The following KDM4B variants were observed in gnomAD, a reference collection of about 807,000 sequenced individuals.
KDM4B encodes the protein lysine demethylase 4B.
A neutral mutation model predicts 125.2 loss-of-function variants in KDM4B; 32 were observed. The observed-to-expected ratio is 0.26, with a 90% CI of 0.19 to 0.34. The LOEUF (loss-of-function observed/expected upper bound fraction) is 0.34. KDM4B is among the 10% of genes least tolerant of loss of function. The probability of loss-of-function intolerance (pLI) is 1.00; values close to 1 mark genes in which losing one functional copy is unlikely to be tolerated. For missense variants in KDM4B, 1,190 were observed against 1,577.7 expected, an observed-to-expected ratio of 0.75 and a Z score of 4.16; for synonymous variants, 721 against 677.9, an observed-to-expected ratio of 1.06 and a Z score of -0.99.
chr19:5,106,844 G>T (rs370703143), intron 9 of KDM4B, among the ~76,000 whole-genome samples: 90 of 152,346 alleles, frequency 5.9e-4, no homozygotes, highest in African/African-American at 2.1e-3. Flanking sequence ...CCAGCCCAGA[G>T]CAGTGAGACC....
At chr19:4,993,334 G>A (rs993293102) in intron 1 of KDM4B, among the ~76,000 whole-genome samples, 5 of 151,898 alleles carry the variant, frequency 3.3e-5, no homozygotes, top group Admixed American at 6.6e-5. Context: ...GCTTGAACCC[G>A]GGAGGCAGAG....
intron 1 of KDM4B, among the ~76,000 whole-genome samples, chr19:5,008,027 A>G (rs569384930): frequency 2.2e-4 from 34 of 152,208 alleles, no homozygotes; most frequent in Non-Finnish European, 3.4e-4. Flanking sequence ...TATATGCCCA[A>G]TGCTTTGGAA....
Position 5,141,852 on chromosome 19 carries a change from G to A in KDM4B, c.2551-2115G>A, listed in dbSNP as rs1273503832. 6.6e-6 allele frequency among the ~76,000 whole-genome samples: 1 copy of A among 152,208 alleles called. No individual in the cohort carries two copies. Among genetic ancestry groups the A allele is most frequent in the Non-Finnish European group, 1.5e-5 (1 of 68,024 alleles). On this transcript the variant is annotated intron_variant, in intron 18 of 22. Coordinates refer to ENST00000159111, the MANE Select transcript of KDM4B (RefSeq NM_015015.3). The surrounding 1 kb of genome is among the most constrained non-coding windows in gnomAD (Gnocchi z 6.4). Reference sequence around the variant, plus strand: ...TGGAGGATCTGGGAGGTCTGGGAGGGGCTTGGGATGGGGGGAGGCGCCTCC... The same window carrying A: ...TGGAGGATCTGGGAGGTCTGGGAGGAGCTTGGGATGGGGGGAGGCGCCTCC...
At chr19:5,077,503 T>C in intron 8 of KDM4B, 33 bp downstream of exon 8, 1 of 1,579,648 alleles carries the variant, frequency 6.3e-7, no homozygotes, top group Non-Finnish European at 8.7e-7. Flanking sequence ...CGCCTGTGGG[T>C]GAAGTGGGTA....
intron 1 of KDM4B, among the ~76,000 whole-genome samples, chr19:4,983,609 G>C (rs2034725209): frequency 6.6e-6 from 1 of 152,224 alleles, no homozygotes; most frequent in African/African-American, 2.4e-5. Context: ...GCAGCTGGTG[G>C]GGAGGCGCAG....
At chr19:5,104,216 G>T (rs1249407981) in intron 9 of KDM4B, among the ~76,000 whole-genome samples, 1 of 152,164 alleles carries the variant, frequency 6.6e-6, no homozygotes. Flanking sequence ...AGGCGTGCCA[G>T]CACAGCTCCT....
At chr19:4,995,909 G>T (rs1241336530) in intron 1 of KDM4B, among the ~76,000 whole-genome samples, 1 of 152,242 alleles carries the variant, frequency 6.6e-6, no homozygotes, top group Non-Finnish European at 1.5e-5. Flanking sequence ...TTGCTTCTCA[G>T]TGGCTCTGCA....
rs556385175 is a variant in KDM4B at position 5,065,786 on chromosome 19, C to T, written c.627-5224C>T. On this transcript the variant is annotated intron_variant, in intron 6 of 22. Coordinates refer to ENST00000159111, the MANE Select transcript of KDM4B (RefSeq NM_015015.3). Reference sequence around the variant, plus strand: ...CCATCCATCCCCTCCTCTGCACGGCCGGGGGCTTCTGGGGCCCATGGCAAA... The same window carrying T: ...CCATCCATCCCCTCCTCTGCACGGCTGGGGGCTTCTGGGGCCCATGGCAAA... Among the ~76,000 whole-genome samples the T allele has an allele frequency of 2.4e-4, 37 of 152,322 alleles. No individual in the cohort carries two copies. The South Asian group carries it at 4.4e-3, about 18-fold the overall frequency.
In KDM4B at chr19:5,041,251, C is replaced by G; in HGVS notation, c.432C>G (p.Asp144Glu). 1 of 1,608,700 alleles carries G rather than the reference C, an allele frequency of 6.2e-7. No homozygotes were observed. Among genetic ancestry groups the G allele is most frequent in the Non-Finnish European group, 8.5e-7 (1 of 1,175,756 alleles). Residue 144 changes from aspartate (D) to glutamate (E), a missense_variant and splice_region_variant, in exon 5 of 23, where the codon GAC becomes GAG. By Grantham distance (45) the Asp-to-Glu change is conservative. Transcript: ENST00000159111. Reference protein sequence around the residue: ...GADISGSLYDDDVAQWNIGSL... With the variant: ...GADISGSLYDEDVAQWNIGSL... ...ACATCAGCGGCTCTTTGTATGATGA[C>G]GTAAGTATGAGGCTCCGGGGAAGAA...
Position 5,059,533 on chromosome 19 carries a change from C to T in KDM4B, c.627-11477C>T, listed in dbSNP as rs562625108. ...GCCCAGGGAGGGACCCAGCATCCTG[C>T]GGCCTCTGCCCGTGGTGGGCACAGG... On this transcript the variant is annotated intron_variant, in intron 6 of 22. Coordinates refer to ENST00000159111, the MANE Select transcript of KDM4B (RefSeq NM_015015.3). Among the ~76,000 whole-genome samples, 67 of 152,348 alleles carry T rather than the reference C, an allele frequency of 4.4e-4. 1 individual carries two copies. In the South Asian group the frequency reaches 5.8e-3, roughly 13 times the overall value.
At chr19:5,010,271 G>C (rs1245223765) in intron 1 of KDM4B, among the ~76,000 whole-genome samples, 1 of 152,186 alleles carries the variant, frequency 6.6e-6, no homozygotes, top group Non-Finnish European at 1.5e-5. Flanking sequence ...CCTGGGCTCT[G>C]GACTTTTTAG....
intron 1 of KDM4B, among the ~76,000 whole-genome samples, chr19:5,001,315 C>A (rs971187122): frequency 1.3e-4 from 20 of 152,142 alleles, no homozygotes; most frequent in Non-Finnish European, 1.5e-5. Flanking sequence ...TGAGCCACGG[C>A]GCCTGGCCTT....
At chr19:5,030,327 C>T (rs2036411781) in intron 2 of KDM4B, among the ~76,000 whole-genome samples, 1 of 152,206 alleles carries the variant, frequency 6.6e-6, no homozygotes, top group African/African-American at 2.4e-5. Flanking sequence ...TCCAGCCCTG[C>T]CCCAGGCCCT....
Position 5,017,974 on chromosome 19 carries a change from C to T in KDM4B, c.-26+1635C>T, listed in dbSNP as rs149376471. Among the ~76,000 whole-genome samples, 257 of 152,152 alleles carry T rather than the reference C, an allele frequency of 1.7e-3. 3 individuals carry two copies. The highest frequency in any genetic ancestry group is 5.9e-3 in the African/African-American group (243 of 41,498). ...CCAGGATGGTCTCCATTTCCTGACTCGTGATCCGCCCACCTTGGCCTCCCA... is the reference window on the plus strand; with the variant it reads ...CCAGGATGGTCTCCATTTCCTGACTTGTGATCCGCCCACCTTGGCCTCCCA... On this transcript the variant is annotated intron_variant, in intron 2 of 22. Coordinates refer to ENST00000159111, the MANE Select transcript of KDM4B (RefSeq NM_015015.3).
At chr19:5,055,445 C>T (rs1341648716) in intron 6 of KDM4B, among the ~76,000 whole-genome samples, 1 of 152,208 alleles carries the variant, frequency 6.6e-6, no homozygotes, top group Non-Finnish European at 1.5e-5. Flanking sequence ...TGCCACTGAG[C>T]TGGGGACTTC....
At chr19:4,982,138 AC>A (rs111891267) in intron 1 of KDM4B, among the ~76,000 whole-genome samples, 10,204 of 152,164 alleles carry the variant, frequency 0.067, 1,032 homozygotes, top group African/African-American at 0.21. Flanking sequence ...TAAAAAATAC[AC>A]AAAATTAGCC....
chr19:5,080,364 ACTC>A (rs1467885102), intron 8 of KDM4B, among the ~76,000 whole-genome samples: 1 of 152,130 alleles, frequency 6.6e-6, no homozygotes, highest in African/African-American at 2.4e-5. Flanking sequence ...AGGCCTGAGA[ACTC>A]CTACAAATCA....
At chr19:5,012,086 T>A (rs1430128825) in intron 1 of KDM4B, among the ~76,000 whole-genome samples, 1 of 152,200 alleles carries the variant, frequency 6.6e-6, no homozygotes, top group African/African-American at 2.4e-5. Flanking sequence ...TCTGTCATGC[T>A]GCGGTGGGCT....
chr19:4,992,590 G>C (rs2035063970), intron 1 of KDM4B, among the ~76,000 whole-genome samples: 4 of 152,032 alleles, frequency 2.6e-5, no homozygotes, highest in Admixed American at 6.6e-5. Context: ...TGGGACCAGA[G>C]GCATGTGCTA....
Sources: gnomAD v4.1 joint callset for allele counts (sites outside exome capture counted in the v4.1 genomes callset) on GRCh38, gnomAD v4.1.1 for gene constraint, Gnocchi (gnomAD v3.1) non-coding constraint, MANE v1.5 for transcripts, NCBI Gene and HGNC (gene_info 2026-07-23, HGNC 2026-07-21) for gene names.